STXBP5L: variants seen among roughly 807,000 people sequenced by gnomAD.
STXBP5L encodes syntaxin-binding protein 5-like.
Under a neutral mutation model 144.5 loss-of-function variants are expected in STXBP5L, and 65 were observed. The ratio of observed to expected loss-of-function variants is 0.45; its 90% CI spans 0.37 to 0.55. The LOEUF (loss-of-function observed/expected upper bound fraction) is 0.55. Among genes scored for constraint, STXBP5L ranks in the 20% least tolerant of loss-of-function variants. The pLI is 0.00. For missense variants in STXBP5L, 1,298 were observed against 1,405.5 expected (o/e 0.92, Z 1.22); for synonymous variants, 505 against 469.6 (o/e 1.08, Z -0.97).
intron 20 of STXBP5L, among the ~76,000 whole-genome samples, chr3:121,359,730 C>T (rs566216604): frequency 6.6e-6 from 1 of 152,018 alleles, no homozygotes; most frequent in South Asian, 2.1e-4. Flanking sequence ...ATGTTCTTGG[C>T]ACCTTTGTCA....
chr3:121,091,936 T>G (rs1367522081), intron 5 of STXBP5L, among the ~76,000 whole-genome samples: 1 of 152,206 alleles, frequency 6.6e-6, no homozygotes, highest in Non-Finnish European at 1.5e-5. Context: ...TTAATTCATC[T>G]TGAATTAATT....
intron 2 of STXBP5L, among the ~76,000 whole-genome samples, chr3:120,910,196 G>A (rs1708757713): frequency 6.6e-5 from 10 of 152,040 alleles, no homozygotes; most frequent in Admixed American, 6.5e-4. Context: ...ATTTTAAGGG[G>A]GCCAATGACA....
intron 18 of STXBP5L, among the ~76,000 whole-genome samples, chr3:121,264,272 G>T (rs960266668): frequency 2.0e-5 from 3 of 152,176 alleles, no homozygotes; most frequent in Admixed American, 1.3e-4. Flanking sequence ...GAGAGATTTT[G>T]TCCCCACCAG....
intron 20 of STXBP5L, among the ~76,000 whole-genome samples, chr3:121,330,826 G>C (rs1481852201): frequency 6.6e-6 from 1 of 152,136 alleles, no homozygotes; most frequent in East Asian, 1.9e-4. Flanking sequence ...CACATGACCC[G>C]TTCATTACTA....
intron 3 of STXBP5L, among the ~76,000 whole-genome samples, chr3:121,017,148 G>A (rs956107659): frequency 2.6e-5 from 4 of 152,108 alleles, no homozygotes; most frequent in African/African-American, 9.7e-5. Context: ...AAAAATTAAT[G>A]TAAACCATCA....
At chr3:121,400,300 G>A (rs1333946544) in intron 22 of STXBP5L, among the ~76,000 whole-genome samples, 3 of 152,170 alleles carry the variant, frequency 2.0e-5, no homozygotes, top group African/African-American at 7.2e-5. Flanking sequence ...TTTGGGGCCT[G>A]GAGTATACAT....
chr3:121,312,502 C>T (rs1374326959), intron 19 of STXBP5L, among the ~76,000 whole-genome samples: 2 of 83,722 alleles, frequency 2.4e-5, no homozygotes, highest in African/African-American at 4.7e-5. Context: ...GGGTGTTTCT[C>T]GCAGAGGGGG....
At chr3:121,019,964 ACTT>A (rs1396272203) in intron 3 of STXBP5L, among the ~76,000 whole-genome samples, 3 of 152,232 alleles carry the variant, frequency 2.0e-5, no homozygotes, top group African/African-American at 7.2e-5. Context: ...AAGGTCGACT[ACTT>A]AGCCAATCAA....
chr3:120,912,072 T>C (rs562724897), intron 2 of STXBP5L, among the ~76,000 whole-genome samples: 1 of 152,032 alleles, frequency 6.6e-6, no homozygotes, highest in African/African-American at 2.4e-5. Context: ...TGATTAGTCA[T>C]CACATCCCCT....
intron 18 of STXBP5L, among the ~76,000 whole-genome samples, chr3:121,265,330 C>T (rs899165192): frequency 6.6e-6 from 1 of 152,122 alleles, no homozygotes; most frequent in African/African-American, 2.4e-5. Flanking sequence ...CACTCAAAAC[C>T]ATGCAACTAC....
intron 12 of STXBP5L, among the ~76,000 whole-genome samples, chr3:121,236,737 T>G (rs924352093): frequency 2.6e-5 from 4 of 152,204 alleles, no homozygotes; most frequent in Admixed American, 6.5e-5. Context: ...CTCAAAAGTC[T>G]TAATTCATTT....
At chr3:121,016,736 G>A (rs1315815424) in intron 3 of STXBP5L, among the ~76,000 whole-genome samples, 2 of 152,116 alleles carry the variant, frequency 1.3e-5, no homozygotes, top group Admixed American at 6.6e-5. Flanking sequence ...ACTCACATGA[G>A]GACAGATAGA....
At chr3:121,354,216 G>T (rs1343592509) in intron 20 of STXBP5L, among the ~76,000 whole-genome samples, 3 of 152,148 alleles carry the variant, frequency 2.0e-5, no homozygotes, top group Non-Finnish European at 2.9e-5. Context: ...GCAGAGCTGA[G>T]TTCAAGTCCT....
chr3:121,117,078 A>G (rs1359238833), intron 6 of STXBP5L, among the ~76,000 whole-genome samples: 1 of 151,856 alleles, frequency 6.6e-6, no homozygotes, highest in Non-Finnish European at 1.5e-5. Flanking sequence ...TTACTACGTG[A>G]ACTAGTGACT....
At chr3:121,283,896 TGTGTGTGTG>T (rs1559934639) in intron 19 of STXBP5L, among the ~76,000 whole-genome samples, 2,496 of 99,742 alleles carry the variant, frequency 0.025, 67 homozygotes, top group African/African-American at 0.11. Context: ...TGTGTGTGCT[TGTGTGTGTG>T]TGTGTGTGTG....
At chr3:121,383,835 C>T in intron 22 of STXBP5L, among the ~76,000 whole-genome samples, 1 of 152,074 alleles carries the variant, frequency 6.6e-6, no homozygotes, top group African/African-American at 2.4e-5. Context: ...AGTCTCTGCC[C>T]AAGCTTATGG....
chr3:121,368,294 T>C (rs575085754), intron 20 of STXBP5L, among the ~76,000 whole-genome samples: 11 of 152,192 alleles, frequency 7.2e-5, no homozygotes, highest in Non-Finnish European at 1.2e-4. Context: ...TCGGTTATTA[T>C]ACTTTTAAGC....
chr3:121,038,468 A>G (rs1946913016), intron 3 of STXBP5L, among the ~76,000 whole-genome samples: 1 of 151,892 alleles, frequency 6.6e-6, no homozygotes, highest in African/African-American at 2.4e-5. Context: ...TATACTCTTT[A>G]TGATTTCAAT....
chr3:121,001,772 C>T (rs1943798255), intron 3 of STXBP5L, among the ~76,000 whole-genome samples: 2 of 152,208 alleles, frequency 1.3e-5, no homozygotes, highest in South Asian at 4.1e-4. Context: ...ATTCTCTGTC[C>T]ATTCACTCTC....
Sources: allele counts gnomAD v4.1 joint callset (sites outside exome capture counted in the v4.1 genomes callset), GRCh38; gene constraint gnomAD v4.1.1; transcripts MANE v1.5; gene names NCBI Gene and HGNC (gene_info 2026-07-23, HGNC 2026-07-21).